Variants in CDH12 observed in about 807,000 individuals in gnomAD.
CDH12 encodes the protein cadherin-12.
CDH12 carries 41 observed loss-of-function variants against 74.1 expected under a neutral mutation model. That is an observed-to-expected ratio of 0.55 (90% CI 0.43 to 0.72). The LOEUF is 0.72. Among genes scored for constraint, CDH12 ranks in the 30% least tolerant of loss-of-function variants. CDH12 has a pLI of 0.00. For missense variants in CDH12, 945 were observed against 977.2 expected, an observed-to-expected ratio of 0.97 and a Z score of 0.44; for synonymous variants, 399 against 355.0, an observed-to-expected ratio of 1.12 and a Z score of -1.39.
rs575839117 is a variant in CDH12 at position 21,827,447 on chromosome 5, A to G, written c.815-10315T>C. Among the ~76,000 whole-genome samples, 12 of 152,222 alleles carry G rather than the reference A, an allele frequency of 7.9e-5. No individual in the cohort carries two copies. The East Asian group carries it at 2.1e-3, about 27-fold the overall frequency. ...GTTCTAGAAGAGGATAGGGCACTAA[A>G]CATAAAATAATTCTGCTACTGCACC... On this transcript the variant is annotated intron_variant, in intron 8 of 14. Coordinates refer to ENST00000382254, the MANE Select transcript of CDH12 (RefSeq NM_004061.5).
chr5:22,445,038 T>C (rs1021000801), intron 2 of CDH12, among the ~76,000 whole-genome samples: 4 of 152,060 alleles, frequency 2.6e-5, no homozygotes, highest in East Asian at 3.9e-4. Context: ...GTTTCTATAA[T>C]AAAATAAATG....
intron 8 of CDH12, among the ~76,000 whole-genome samples, chr5:21,821,808 A>G (rs1748382646): frequency 6.6e-6 from 1 of 151,988 alleles, no homozygotes; most frequent in Non-Finnish European, 1.5e-5. Context: ...AATTGAATTC[A>G]AACATTAGAT....
At chr5:22,677,513 C>T (rs1741260931) in intron 1 of CDH12, among the ~76,000 whole-genome samples, 1 of 152,024 alleles carries the variant, frequency 6.6e-6, no homozygotes, top group Non-Finnish European at 1.5e-5. Flanking sequence ...GAGCAGAGTC[C>T]TCATGACCAA....
intron 1 of CDH12, among the ~76,000 whole-genome samples, chr5:22,651,478 A>G (rs1739733197): frequency 6.6e-6 from 1 of 152,064 alleles, no homozygotes; most frequent in Non-Finnish European, 1.5e-5. Flanking sequence ...AGGATAATGA[A>G]TGCAGGAGAA....
intron 2 of CDH12, among the ~76,000 whole-genome samples, chr5:22,475,318 A>C (rs1746122605): frequency 6.6e-6 from 1 of 151,986 alleles, no homozygotes; most frequent in Non-Finnish European, 1.5e-5. Context: ...ACTTCAAATG[A>C]AAATGCATGC....
At chr5:22,662,562 T>C (rs982695519) in intron 1 of CDH12, among the ~76,000 whole-genome samples, 1 of 152,168 alleles carries the variant, frequency 6.6e-6, no homozygotes, top group Admixed American at 6.5e-5. Flanking sequence ...CAAACTGCCA[T>C]AAACAGGAAA....
intron 1 of CDH12, among the ~76,000 whole-genome samples, chr5:22,534,191 T>C (rs1737719966): frequency 6.6e-6 from 1 of 151,970 alleles, no homozygotes; most frequent in South Asian, 2.1e-4. Flanking sequence ...CCTCTTTACT[T>C]CTTTTTTTTT....
intron 3 of CDH12, among the ~76,000 whole-genome samples, chr5:22,240,208 G>A (rs1409174862): frequency 6.6e-6 from 1 of 152,050 alleles, no homozygotes; most frequent in Non-Finnish European, 1.5e-5. Flanking sequence ...TACTTATATA[G>A]TTATTTGTAA....
At chr5:22,197,698 G>C (rs1160606565) in intron 4 of CDH12, among the ~76,000 whole-genome samples, 2 of 151,844 alleles carry the variant, frequency 1.3e-5, no homozygotes, top group Admixed American at 1.3e-4. Context: ...ATTATCACTT[G>C]TTCCTAAAAT....
intron 5 of CDH12, among the ~76,000 whole-genome samples, chr5:22,046,886 G>T (rs1428036473): frequency 6.6e-6 from 1 of 152,068 alleles, no homozygotes; most frequent in South Asian, 2.1e-4. Context: ...TTTCATGAAG[G>T]TGCTATAAAT....
chr5:21,868,318 T>C (rs377740575), intron 6 of CDH12, among the ~76,000 whole-genome samples: 4 of 152,278 alleles, frequency 2.6e-5, no homozygotes, highest in Admixed American at 6.5e-5. Context: ...AACAGACCGA[T>C]ACACCATGTC....
chr5:22,803,910 A>G (rs923333695), intron 1 of CDH12, among the ~76,000 whole-genome samples: 2 of 152,158 alleles, frequency 1.3e-5, no homozygotes, highest in Non-Finnish European at 2.9e-5. Context: ...TTATTTGGTA[A>G]AACACAGTTT....
intron 6 of CDH12, among the ~76,000 whole-genome samples, chr5:21,957,660 G>A (rs1018204311): frequency 2.0e-5 from 3 of 152,114 alleles, no homozygotes; most frequent in Admixed American, 6.6e-5. Flanking sequence ...TTTCTCTAAT[G>A]ATCAGTGATA....
intron 6 of CDH12, among the ~76,000 whole-genome samples, chr5:21,974,614 T>G (rs990401362): frequency 2.6e-5 from 4 of 152,146 alleles, no homozygotes; most frequent in African/African-American, 4.8e-5. Flanking sequence ...GGAAACAGTA[T>G]TACCCTTCCA....
chr5:22,129,652 G>C (rs1422310604), intron 4 of CDH12, among the ~76,000 whole-genome samples: 1 of 152,028 alleles, frequency 6.6e-6, no homozygotes, highest in African/African-American at 2.4e-5. Context: ...TAGCACACCT[G>C]GTGCTTTTCA....
intron 3 of CDH12, among the ~76,000 whole-genome samples, chr5:22,385,441 G>A (rs375240900): frequency 8.5e-5 from 13 of 152,108 alleles, no homozygotes; most frequent in East Asian, 1.9e-4. Context: ...TGTACCTTTC[G>A]GAAAACTTCC....
chr5:22,474,121 C>A (rs1746073286), intron 2 of CDH12, among the ~76,000 whole-genome samples: 1 of 152,090 alleles, frequency 6.6e-6, no homozygotes, highest in South Asian at 2.1e-4. Flanking sequence ...TGATGTGATA[C>A]TGCAGAGGAT....
At chr5:22,173,862 G>A (rs1460191010) in intron 4 of CDH12, among the ~76,000 whole-genome samples, 1 of 151,730 alleles carries the variant, frequency 6.6e-6, no homozygotes, top group Non-Finnish European at 1.5e-5. Flanking sequence ...TCCTAGTCTA[G>A]AAAAAATAGT....
At chr5:21,826,956 C>G (rs750938998) in intron 8 of CDH12, among the ~76,000 whole-genome samples, 1 of 152,004 alleles carries the variant, frequency 6.6e-6, no homozygotes, top group East Asian at 1.9e-4. Flanking sequence ...AGGGTCTGTT[C>G]ATTGCTGTGG....
Sources: gnomAD v4.1 joint callset for allele counts (sites outside exome capture counted in the v4.1 genomes callset) on GRCh38, gnomAD v4.1.1 for gene constraint, MANE v1.5 for transcripts, NCBI Gene and HGNC (gene_info 2026-07-23, HGNC 2026-07-21) for gene names.